Variants in RORA observed in about 807,000 individuals in gnomAD.
RORA encodes the protein nuclear receptor ROR-alpha.
RORA carries 7 observed loss-of-function variants against 69.5 expected under a neutral mutation model. The ratio of observed to expected loss-of-function variants is 0.10; its 90% CI spans 0.06 to 0.19. The LOEUF (loss-of-function observed/expected upper bound fraction) is 0.19, where lower values mean the gene tolerates loss of function less well. Ranked by LOEUF, RORA falls within the 10% of genes least tolerant of loss-of-function variation. The pLI is 1.00. For synonymous variants in RORA, 261 were observed against 240.8 expected, an observed-to-expected ratio of 1.08 and a Z score of -0.78; for missense variants, 457 against 663.0, an observed-to-expected ratio of 0.69 and a Z score of 3.41.
chr15:60,715,701 C>T (rs139918666), intron 1 of RORA, among the ~76,000 whole-genome samples: 28 of 152,300 alleles, frequency 1.8e-4, no homozygotes, highest in African/African-American at 6.7e-4. Context: ...CCAAGAAAGT[C>T]ATGAGCTAGC....
At chr15:60,889,591 C>G (rs1402051294) in intron 1 of RORA, among the ~76,000 whole-genome samples, 1 of 152,212 alleles carries the variant, frequency 6.6e-6, no homozygotes, top group African/African-American at 2.4e-5. Context: ...TCAGAGGCCT[C>G]GTGGTAAACC....
chr15:61,229,001 TCCGCGCCCGGGCTCCCGCCGCCCCCTC>T, intron 1 of RORA, 25 bp downstream of exon 1: 7 of 1,090,110 alleles, frequency 6.4e-6, no homozygotes, highest in Non-Finnish European at 8.0e-6. Flanking sequence ...CGCCCCCCGC[TCCGCGCCCGGGCTCCCGCCGCCCCCTC>T]CCCAGCCCCT....
chr15:60,523,050 CAAAA>C (rs371105995), intron 3 of RORA, among the ~76,000 whole-genome samples: 2 of 148,330 alleles, frequency 1.3e-5, no homozygotes. Flanking sequence ...AAAAAAAACA[CAAAA>C]AAAAAAACTG....
intron 1 of RORA, among the ~76,000 whole-genome samples, chr15:60,917,155 C>T (rs1472726756): frequency 6.6e-6 from 1 of 152,200 alleles, no homozygotes; most frequent in East Asian, 1.9e-4. Context: ...TGGGCACCTA[C>T]CCGCCTCCCC....
intron 1 of RORA, among the ~76,000 whole-genome samples, chr15:61,044,767 A>T (rs1292423123): frequency 6.6e-6 from 1 of 152,186 alleles, no homozygotes; most frequent in Non-Finnish European, 1.5e-5. Flanking sequence ...ATCAACCAGG[A>T]GCCTGCTAGA....
intron 2 of RORA, among the ~76,000 whole-genome samples, chr15:60,559,420 A>G (rs1260872501): frequency 6.6e-6 from 1 of 152,192 alleles, no homozygotes; most frequent in African/African-American, 2.4e-5. Context: ...CCAGATAACT[A>G]AGCTTGTGTA....
intron 1 of RORA, among the ~76,000 whole-genome samples, chr15:61,170,339 C>A (rs1182405694): frequency 2.0e-5 from 3 of 152,204 alleles, no homozygotes; most frequent in African/African-American, 7.2e-5. Flanking sequence ...CCCTTTCTTC[C>A]ACTTTCAAAG....
intron 1 of RORA, among the ~76,000 whole-genome samples, chr15:60,865,996 T>C (rs1481596782): frequency 7.4e-6 from 1 of 135,670 alleles, no homozygotes; most frequent in Admixed American, 7.1e-5. Context: ...AAACATACAA[T>C]ATATAGTGAT....
chr15:60,748,699 TCTTACCA>T (rs1293622824), intron 1 of RORA, among the ~76,000 whole-genome samples: 7 of 152,176 alleles, frequency 4.6e-5, no homozygotes, highest in Admixed American at 1.3e-4. Context: ...TGAATCCCAC[TCTTACCA>T]CCCTAATTTT....
rs546655079 is a variant in RORA, at chr15:60,523,598, A to G, written c.282+8168T>C. ...ACCAGCTCTCCATCACGTTGTTTCA[A>G]TGCTTCCCCCTGACTTTGGATAGGC... On this transcript the variant is annotated intron_variant, in intron 3 of 10. Transcript: ENST00000335670. 7.2e-5 allele frequency among the ~76,000 whole-genome samples: 11 copies of G among 152,210 alleles called. No individual in the cohort carries two copies. The South Asian group carries it at 8.3e-4, about 11-fold the overall frequency.
At chr15:60,648,155 G>A (rs1039892248) in intron 2 of RORA, among the ~76,000 whole-genome samples, 9 of 152,354 alleles carry the variant, frequency 5.9e-5, no homozygotes, top group South Asian at 2.1e-4. Flanking sequence ...AAGTGAGCAC[G>A]TAGGTGCCTT....
At chr15:61,094,967 T>C (rs547378622) in intron 1 of RORA, among the ~76,000 whole-genome samples, 1 of 152,338 alleles carries the variant, frequency 6.6e-6, no homozygotes, top group East Asian at 1.9e-4. Context: ...AAGCACTGCA[T>C]CTTCTTGAGA....
intron 2 of RORA, among the ~76,000 whole-genome samples, chr15:60,620,192 A>C (rs1438590284): frequency 6.6e-6 from 1 of 152,244 alleles, no homozygotes; most frequent in African/African-American, 2.4e-5. Flanking sequence ...ATATTTACAG[A>C]TGGATCTGAA....
intron 1 of RORA, among the ~76,000 whole-genome samples, chr15:60,948,759 C>T (rs1233746647): frequency 6.6e-6 from 1 of 152,200 alleles, no homozygotes; most frequent in African/African-American, 2.4e-5. Flanking sequence ...TCCCCCACAA[C>T]AAATATAAGA....
At chr15:60,753,918 G>A (rs1015977755) in intron 1 of RORA, among the ~76,000 whole-genome samples, 19 of 152,320 alleles carry the variant, frequency 1.2e-4, no homozygotes, top group African/African-American at 4.1e-4. Flanking sequence ...TACATGTGGA[G>A]CAAGTATTAT....
chr15:60,739,659 A>C (rs908533284), intron 1 of RORA, among the ~76,000 whole-genome samples: 2 of 151,986 alleles, frequency 1.3e-5, no homozygotes, highest in African/African-American at 4.8e-5. Context: ...GGGAAGGTGA[A>C]CTTCTCTCAA....
intron 2 of RORA, among the ~76,000 whole-genome samples, chr15:60,669,419 A>C (rs1028920356): frequency 1.3e-5 from 2 of 152,144 alleles, no homozygotes; most frequent in Non-Finnish European, 2.9e-5. Context: ...AGTAGTTCTA[A>C]CTAAGGATAA....
chr15:60,712,838 G>T (rs2071162587), intron 1 of RORA, among the ~76,000 whole-genome samples: 1 of 152,154 alleles, frequency 6.6e-6, no homozygotes. Context: ...TCAGTTGCTT[G>T]ACTTAGAACA....
intron 2 of RORA, among the ~76,000 whole-genome samples, chr15:60,647,189 G>A (rs1270254867): frequency 6.6e-6 from 1 of 152,180 alleles, no homozygotes; most frequent in Admixed American, 6.5e-5. Flanking sequence ...TCTTGTATAA[G>A]GACTTTATCT....
Sources: allele counts gnomAD v4.1 joint callset (sites outside exome capture counted in the v4.1 genomes callset), GRCh38; gene constraint gnomAD v4.1.1; transcripts MANE v1.5; gene names NCBI Gene and HGNC (gene_info 2026-07-23, HGNC 2026-07-21).